Variants in LRP1B observed in about 807,000 individuals in gnomAD.
LRP1B encodes LDL receptor related protein 1B, also known as low-density lipoprotein receptor-related protein 1B.
In LRP1B, 217 loss-of-function variants were observed where a neutral mutation model predicts 556.6. The ratio of observed to expected loss-of-function variants is 0.39; its 90% CI spans 0.35 to 0.44. LRP1B has a LOEUF of 0.44. Ranked by LOEUF, LRP1B falls within the 20% of genes least tolerant of loss-of-function variation. The pLI is 1.00. For missense variants in LRP1B, 5,053 were observed against 5,620.8 expected (o/e 0.90, Z 3.23); for synonymous variants, 2,047 against 1,865.8 (o/e 1.10, Z -2.50).
chr2:141,257,480 C>T (rs1684517966), intron 3 of LRP1B, among the ~76,000 whole-genome samples: 1 of 152,060 alleles, frequency 6.6e-6, no homozygotes, highest in South Asian at 2.1e-4. Context: ...CTTGACGTTT[C>T]TGGAAGATGG....
intron 3 of LRP1B, among the ~76,000 whole-genome samples, chr2:141,474,030 T>C (rs1199766979): frequency 1.6e-5 from 2 of 122,610 alleles, no homozygotes; most frequent in African/African-American, 3.8e-5. Flanking sequence ...CTTCCTTCCT[T>C]CCTTCCTTCC....
At position 141,299,664 on chromosome 2, in the gene LRP1B, T is replaced by C. The variant is rs150770501; in HGVS notation, c.344-45023A>G. 5.9e-3 allele frequency among the ~76,000 whole-genome samples: 905 copies of C among 152,322 alleles called. 34 individuals carry two copies. Among genetic ancestry groups the C allele is most frequent in the Admixed American group, 0.054 (819 of 15,296 alleles). ...CTGTCTCAGAAAAGGATGAATTCTA[T>C]TTTTAAATATTCACAAATAAATTCA... On this transcript the variant is annotated intron_variant, in intron 3 of 90. Transcript: ENST00000389484.
intron 39 of LRP1B, 43 bp from the exon 40 acceptor site, chr2:140,701,888 A>C: frequency 6.2e-7 from 1 of 1,610,254 alleles, no homozygotes; most frequent in South Asian, 1.1e-5. Context: ...TCTTCGACTA[A>C]TTAAAGTCAA....
chr2:141,325,240 G>A (rs1007107902), intron 3 of LRP1B, among the ~76,000 whole-genome samples: 3 of 151,870 alleles, frequency 2.0e-5, no homozygotes, highest in Admixed American at 6.6e-5. Context: ...ACTAATAAAC[G>A]TGGACTTTGG....
chr2:142,001,029 C>T (rs1574579934), intron 1 of LRP1B, among the ~76,000 whole-genome samples: 1 of 152,228 alleles, frequency 6.6e-6, no homozygotes, highest in Non-Finnish European at 1.5e-5. Flanking sequence ...TTCATGAAAT[C>T]TGATGGTTTT....
intron 7 of LRP1B, among the ~76,000 whole-genome samples, chr2:141,086,618 T>TTGTGTG (rs10608029): frequency 4.7e-5 from 7 of 148,082 alleles, no homozygotes; most frequent in African/African-American, 7.5e-5. Context: ...AGTATAATAT[T>TTGTGTG]TGTGTGTGTG....
chr2:140,291,326 TATAC>T (rs1683379895), intron 84 of LRP1B, among the ~76,000 whole-genome samples: 1 of 58,170 alleles, frequency 1.7e-5, no homozygotes, highest in Admixed American at 1.8e-4. Flanking sequence ...ATATTTTTAT[TATAC>T]TTTAAGTTCT....
At chr2:140,448,400 A>G (rs1485905411) in intron 63 of LRP1B, among the ~76,000 whole-genome samples, 1 of 152,148 alleles carries the variant, frequency 6.6e-6, no homozygotes, top group East Asian at 1.9e-4. Context: ...TGTGGTATAT[A>G]TACATGAGGG....
At chr2:140,955,627 T>C (rs1292378852) in intron 18 of LRP1B, among the ~76,000 whole-genome samples, 3 of 151,876 alleles carry the variant, frequency 2.0e-5, no homozygotes, top group Non-Finnish European at 4.4e-5. Flanking sequence ...TTAAAAATCT[T>C]CTATTATTAC....
At chr2:140,433,329 A>G (rs758537045) in intron 66 of LRP1B, among the ~76,000 whole-genome samples, 20 of 152,122 alleles carry the variant, frequency 1.3e-4, no homozygotes, top group Non-Finnish European at 2.2e-4. Context: ...AACTCCTGAC[A>G]TCAGGTGATC....
At chr2:141,322,182 C>T (rs984669562) in intron 3 of LRP1B, among the ~76,000 whole-genome samples, 4 of 151,998 alleles carry the variant, frequency 2.6e-5, no homozygotes, top group African/African-American at 9.7e-5. Context: ...GAGGCTGAGC[C>T]CTGAGTTTTA....
Position 141,059,048 on chromosome 2 carries a change from G to T in LRP1B, c.1243C>A (p.His415Asn). The T allele has an allele frequency of 2.6e-6, 4 of 1,541,212 alleles. No homozygotes were observed. The highest frequency in any genetic ancestry group is 2.6e-6 in the Non-Finnish European group (3 of 1,143,280). Reference sequence around the variant, plus strand: ...TCAAACACAGTTATACCATAAAGATGTCTAACCTATAAAGAGGGCAAAACA... The same window carrying T: ...TCAAACACAGTTATACCATAAAGATTTCTAACCTATAAAGAGGGCAAAACA... ...HTVIQGRQVR[H>N]LYGITVFEDY... Residue 415 changes from histidine (H) to asparagine (N), a missense_variant, in exon 9 of 91, where the codon CAT becomes AAT. His to Asn is a moderately conservative substitution (Grantham distance 68). Around this residue, in one of 5 missense-constraint regions of LRP1B, gnomAD observed 3,619 missense variants for 3,931.9 expected, o/e 0.92. Transcript: ENST00000389484.
intron 35 of LRP1B, among the ~76,000 whole-genome samples, chr2:140,746,246 C>T (rs993520338): frequency 2.6e-5 from 4 of 152,058 alleles, no homozygotes; most frequent in African/African-American, 9.7e-5. Flanking sequence ...TCAATCCCCC[C>T]ACATATAAGT....
chr2:140,700,683 A>G (rs981769235), intron 40 of LRP1B, 62 bp from the exon 41 acceptor site: 1 of 1,520,978 alleles, frequency 6.6e-7, no homozygotes, highest in Non-Finnish European at 8.9e-7. Flanking sequence ...TTTTGAAACA[A>G]AATTCTCCAT....
intron 2 of LRP1B, among the ~76,000 whole-genome samples, chr2:141,609,334 G>A (rs1397111985): frequency 6.6e-6 from 1 of 152,100 alleles, no homozygotes; most frequent in Non-Finnish European, 1.5e-5. Flanking sequence ...ATGGGTCATG[G>A]CCTCTAAAGA....
intron 82 of LRP1B, among the ~76,000 whole-genome samples, chr2:140,316,276 A>G (rs1035782145): frequency 1.3e-5 from 2 of 152,152 alleles, no homozygotes; most frequent in Non-Finnish European, 2.9e-5. Context: ...AGGTAAAATC[A>G]AAACAATTTA....
At chr2:141,977,855 TTC>T (rs1304618622) in intron 1 of LRP1B, among the ~76,000 whole-genome samples, 6 of 152,194 alleles carry the variant, frequency 3.9e-5, no homozygotes, top group African/African-American at 1.4e-4. Flanking sequence ...ATTGTTTCTA[TTC>T]TCTGTGGTTC....
At chr2:141,638,153 C>T (rs1037799303) in intron 2 of LRP1B, among the ~76,000 whole-genome samples, 2 of 151,998 alleles carry the variant, frequency 1.3e-5, no homozygotes, top group Non-Finnish European at 2.9e-5. Context: ...ACCCACTGCA[C>T]TACAGCCTGG....
At chr2:140,866,182 A>G (rs1180987977) in intron 27 of LRP1B, among the ~76,000 whole-genome samples, 2 of 152,124 alleles carry the variant, frequency 1.3e-5, no homozygotes, top group Non-Finnish European at 2.9e-5. Flanking sequence ...AGTTGTGTAA[A>G]TAATTTTGCA....
Sources: gnomAD v4.1 joint callset for allele counts (sites outside exome capture counted in the v4.1 genomes callset) on GRCh38, gnomAD v4.1.1 for gene constraint, gnomAD v4.1.1 regional missense constraint, MANE v1.5 for transcripts, NCBI Gene and HGNC (gene_info 2026-07-23, HGNC 2026-07-21) for gene names.